Variants in TBC1D12 observed in about 807,000 individuals in gnomAD.
TBC1D12 encodes the protein TBC1 domain family member 12, also known as TBC1 domain family, member 12.
TBC1D12 carries 56 observed loss-of-function variants against 86.7 expected under a neutral mutation model. The ratio of observed to expected loss-of-function variants is 0.65; its 90% CI spans 0.52 to 0.81. TBC1D12 has a LOEUF of 0.81. TBC1D12 is among the 30% of genes least tolerant of loss of function. The pLI is 0.00. For synonymous variants in TBC1D12, 421 were observed against 411.7 expected (o/e 1.02, Z -0.27); for missense variants, 1,023 against 1,038.8 (o/e 0.98, Z 0.21).
chr10:94,506,096 G>T (rs921487078), intron 6 of TBC1D12, among the ~76,000 whole-genome samples: 3 of 151,688 alleles, frequency 2.0e-5, no homozygotes, highest in Non-Finnish European at 4.4e-5. Context: ...GAGTGCAGTG[G>T]TGCGATCTCT....
chr10:94,463,527 C>T (rs2055761333), intron 2 of TBC1D12, among the ~76,000 whole-genome samples: 1 of 152,172 alleles, frequency 6.6e-6, no homozygotes, highest in African/African-American at 2.4e-5. Context: ...GGGCAGAGCC[C>T]TCCTGACCAA....
rs558022662 is a variant in TBC1D12 at position 94,511,450 on chromosome 10, A to T, written c.1690-133A>T. ...TTTGGAAAACATCTTGGCAGAGTAC[A>T]TTTATAATATTTTTTATTAAATATG... On this transcript the variant is annotated intron_variant, in intron 8 of 12. Coordinates refer to ENST00000225235, the MANE Select transcript of TBC1D12 (RefSeq NM_015188.2). 7 of 667,324 alleles carry T rather than the reference A, an allele frequency of 1.0e-5. No homozygotes were observed. The South Asian group carries it at 1.1e-4, about 10-fold the overall frequency. The allele number at this position is 667,324 out of a possible 1,614,324, so 41.3% of individuals were successfully genotyped here.
At chr10:94,480,681 G>T (rs891030800) in intron 3 of TBC1D12, among the ~76,000 whole-genome samples, 2 of 150,516 alleles carry the variant, frequency 1.3e-5, no homozygotes. Flanking sequence ...GCAAAACCTT[G>T]TCTCTACAAA....
intron 9 of TBC1D12, among the ~76,000 whole-genome samples, chr10:94,520,985 C>T (rs1842136267): frequency 6.6e-6 from 1 of 152,012 alleles, no homozygotes; most frequent in Non-Finnish European, 1.5e-5. Flanking sequence ...TTAATGGTCT[C>T]ACTGTGTAAG....
At chr10:94,404,007 C>T (rs114833762) in intron 1 of TBC1D12, among the ~76,000 whole-genome samples, 1 of 151,840 alleles carries the variant, frequency 6.6e-6, no homozygotes, top group Non-Finnish European at 1.5e-5. Context: ...TGAGGGGAGG[C>T]GGTATGTGTG....
intron 2 of TBC1D12, among the ~76,000 whole-genome samples, chr10:94,465,736 G>A (rs1016315994): frequency 4.2e-5 from 6 of 142,258 alleles, no homozygotes; most frequent in African/African-American, 1.0e-4. Flanking sequence ...ACATACATAC[G>A]TATACATACA....
At chr10:94,447,288 T>A (rs1003533903) in intron 2 of TBC1D12, among the ~76,000 whole-genome samples, 12 of 152,058 alleles carry the variant, frequency 7.9e-5, no homozygotes, top group African/African-American at 2.9e-4. Flanking sequence ...ATTTCAAGAA[T>A]GAAATGTCAC....
At chr10:94,464,729 TA>T (rs2055781464) in intron 2 of TBC1D12, among the ~76,000 whole-genome samples, 1 of 152,218 alleles carries the variant, frequency 6.6e-6, no homozygotes, top group South Asian at 2.1e-4. Context: ...GTTATTACTA[TA>T]CCCCCAGTTA....
chr10:94,450,887 TTA>T (rs1181634120), intron 2 of TBC1D12, among the ~76,000 whole-genome samples: 1 of 152,034 alleles, frequency 6.6e-6, no homozygotes, highest in Non-Finnish European at 1.5e-5. Context: ...CTGGAGGACA[TTA>T]TGTTAAGTGA....
chr10:94,500,758 T>A (rs1312535564), intron 6 of TBC1D12, among the ~76,000 whole-genome samples: 1 of 152,164 alleles, frequency 6.6e-6, no homozygotes, highest in Admixed American at 6.5e-5. Context: ...ATTTTTTTTT[T>A]AATTTGAAAA....
intron 2 of TBC1D12, among the ~76,000 whole-genome samples, chr10:94,467,552 C>T (rs145152166): frequency 3.3e-5 from 5 of 152,174 alleles, no homozygotes; most frequent in Admixed American, 6.5e-5. Context: ...CCTTTTGTCA[C>T]GCAGAATGTT....
At chr10:94,464,657 G>A (rs866930457) in intron 2 of TBC1D12, among the ~76,000 whole-genome samples, 1 of 151,968 alleles carries the variant, frequency 6.6e-6, no homozygotes, top group Non-Finnish European at 1.5e-5. Flanking sequence ...TTATAGAGAC[G>A]GGGTCCCTTT....
At chr10:94,433,506 T>C (rs759846158) in intron 1 of TBC1D12, among the ~76,000 whole-genome samples, 4 of 152,206 alleles carry the variant, frequency 2.6e-5, no homozygotes, top group Non-Finnish European at 2.9e-5. Context: ...CTGTAACTTA[T>C]AGAGATCTGA....
intron 3 of TBC1D12, among the ~76,000 whole-genome samples, chr10:94,481,107 C>T (rs2056071939): frequency 6.9e-6 from 1 of 144,876 alleles, no homozygotes; most frequent in Admixed American, 7.1e-5. Context: ...ATTCATTTAA[C>T]CGTGCTGTAA....
chr10:94,444,630 A>G (rs1018889382), intron 2 of TBC1D12, among the ~76,000 whole-genome samples: 2 of 152,140 alleles, frequency 1.3e-5, no homozygotes, highest in Non-Finnish European at 2.9e-5. Context: ...TTTTCTTACC[A>G]TAAGTCTCTG....
chr10:94,473,129 C>T lies in TBC1D12; in HGVS notation c.1096-1539C>T, dbSNP rs116963599. 3.3e-3 allele frequency among the ~76,000 whole-genome samples: 500 copies of T among 151,276 alleles called. 4 individuals carry two copies. The highest frequency in any genetic ancestry group is 0.025 in the East Asian group (128 of 5,144). ...TAGCACTTTGGGAGTTTCAGGTGGG[C>T]GGGTCACAAGTTCAGGAGTTTGAAA... On this transcript the variant is annotated intron_variant, in intron 2 of 12. Transcript: ENST00000225235.
chr10:94,532,778 C>T (rs1239796490), intron 12 of TBC1D12, among the ~76,000 whole-genome samples: 1 of 152,050 alleles, frequency 6.6e-6, no homozygotes, highest in Non-Finnish European at 1.5e-5. Flanking sequence ...ATTAAATTCA[C>T]AGTCTTATTG....
chr10:94,530,425 A>C (rs1842392951), intron 11 of TBC1D12, among the ~76,000 whole-genome samples: 1 of 152,218 alleles, frequency 6.6e-6, no homozygotes, highest in South Asian at 2.1e-4. Context: ...AGGGGAAGAG[A>C]AAAGAGAGAA....
At chr10:94,479,763 T>C (rs1228216744) in intron 3 of TBC1D12, among the ~76,000 whole-genome samples, 6 of 152,174 alleles carry the variant, frequency 3.9e-5, no homozygotes, top group Non-Finnish European at 5.9e-5. Context: ...TAGAGCACCA[T>C]CATTGATTTA....
Sources: gnomAD v4.1 joint callset for allele counts (sites outside exome capture counted in the v4.1 genomes callset) on GRCh38, gnomAD v4.1.1 for gene constraint, MANE v1.5 for transcripts, NCBI Gene and HGNC (gene_info 2026-07-23, HGNC 2026-07-21) for gene names.